MAOB: variants seen among roughly 807,000 people sequenced by gnomAD.
MAOB encodes the protein amine oxidase [flavin-containing] B.
A neutral mutation model predicts 41.9 loss-of-function variants in MAOB; 15 were observed. The ratio of observed to expected loss-of-function variants is 0.36; its 90% CI spans 0.24 to 0.55. The LOEUF (loss-of-function observed/expected upper bound fraction) is 0.55, where lower values mean the gene tolerates loss of function less well. Among genes scored for constraint, MAOB ranks in the 20% least tolerant of loss-of-function variants. The pLI, the probability that MAOB is intolerant of heterozygous loss-of-function variation, is 0.86. For missense variants in MAOB, 345 were observed against 398.7 expected, an observed-to-expected ratio of 0.87 and a Z score of 1.15; for synonymous variants, 167 against 144.2, an observed-to-expected ratio of 1.16 and a Z score of -1.13.
At chrX:43,843,384 C>A (rs1266237071) in intron 2 of MAOB, among the ~76,000 whole-genome samples, 1 of 107,129 alleles carries the variant, frequency 9.3e-6, no homozygotes, top group Non-Finnish European at 1.9e-5. Flanking sequence ...CACACACACA[C>A]ACACACACAC....
At chrX:43,867,271 G>T (rs2035371620) in intron 1 of MAOB, among the ~76,000 whole-genome samples, 1 of 112,025 alleles carries the variant, frequency 8.9e-6, no homozygotes, top group Non-Finnish European at 1.9e-5. Flanking sequence ...GCAAAGGAAG[G>T]GAGCTGGCAA....
intron 1 of MAOB, among the ~76,000 whole-genome samples, chrX:43,872,624 A>C (rs1413486215): frequency 1.8e-5 from 2 of 112,488 alleles, no homozygotes; most frequent in African/African-American, 6.4e-5. Flanking sequence ...GTTTGAAAAA[A>C]ACACAAATGT....
chrX:43,823,932 T>C (rs958089119), intron 3 of MAOB, among the ~76,000 whole-genome samples: 7 of 112,437 alleles, frequency 6.2e-5, no homozygotes, highest in African/African-American at 9.7e-5. Context: ...AGATATTGTC[T>C]CATATGATGG....
chrX:43,831,432 A>G (rs1427420973), intron 3 of MAOB, among the ~76,000 whole-genome samples: 2 of 111,624 alleles, frequency 1.8e-5, no homozygotes, highest in Admixed American at 1.9e-4. Context: ...TAAACAAAAA[A>G]AAAGCCGTAA....
At chrX:43,828,783 C>T (rs2034980893) in intron 3 of MAOB, among the ~76,000 whole-genome samples, 1 of 111,789 alleles carries the variant, frequency 8.9e-6, no homozygotes, top group Middle Eastern at 4.2e-3. Flanking sequence ...CCAACTGGGG[C>T]ATCTTGAGCA....
intron 3 of MAOB, among the ~76,000 whole-genome samples, chrX:43,824,931 A>C (rs2034927476): frequency 8.9e-6 from 1 of 112,941 alleles, no homozygotes; most frequent in Non-Finnish European, 1.9e-5. Flanking sequence ...AAGTCACATC[A>C]TGTTACTTCT....
At chrX:43,879,492 A>G (rs1293879390) in intron 1 of MAOB, among the ~76,000 whole-genome samples, 1 of 111,619 alleles carries the variant, frequency 9.0e-6, no homozygotes, top group Non-Finnish European at 1.9e-5. Flanking sequence ...GATTTTGGCC[A>G]TTTCATCTAC....
intron 1 of MAOB, among the ~76,000 whole-genome samples, chrX:43,867,306 T>C (rs1165893028): frequency 2.7e-5 from 3 of 111,644 alleles, no homozygotes; most frequent in African/African-American, 3.3e-5. Flanking sequence ...GCACTAGCGA[T>C]TTAGGAGGGA....
intron 11 of MAOB, among the ~76,000 whole-genome samples, chrX:43,778,371 TA>T (rs777247018): frequency 9.0e-5 from 10 of 110,688 alleles, no homozygotes; most frequent in African/African-American, 3.3e-4. Context: ...TCCCCTCTTT[TA>T]CCCCCCTAAC....
chrX:43,771,296 C>T (rs2034179231), intron 12 of MAOB, among the ~76,000 whole-genome samples: 1 of 112,106 alleles, frequency 8.9e-6, no homozygotes, highest in Non-Finnish European at 1.9e-5. Flanking sequence ...ATATTCAACC[C>T]TCTATTATAA....
At chrX:43,840,373 G>C (rs143225597) in intron 2 of MAOB, among the ~76,000 whole-genome samples, 2,964 of 111,686 alleles carry the variant, frequency 0.027, 50 homozygotes, top group Non-Finnish European at 0.042. Context: ...AAAGTCTGTG[G>C]AGCAAGGCCA....
chrX:43,791,682 G>A (rs1037424862), intron 8 of MAOB, among the ~76,000 whole-genome samples: 2 of 110,609 alleles, frequency 1.8e-5, no homozygotes, highest in Non-Finnish European at 1.9e-5. Flanking sequence ...GCTTAAACCC[G>A]GAAGGCAGGG....
intron 8 of MAOB, among the ~76,000 whole-genome samples, chrX:43,787,705 G>A (rs999649422): frequency 9.0e-6 from 1 of 110,502 alleles, no homozygotes; most frequent in Non-Finnish European, 1.9e-5. Context: ...TGTTTAGAAC[G>A]CAGTGAAAAA....
chrX:43,867,136 A>T (rs939709395), intron 1 of MAOB, among the ~76,000 whole-genome samples: 2 of 112,084 alleles, frequency 1.8e-5, no homozygotes, highest in African/African-American at 6.5e-5. Flanking sequence ...ATAAGTGCCA[A>T]GGAGATTTGG....
At chrX:43,803,246 G>T in intron 4 of MAOB, 54 bp downstream of exon 4, 6 of 1,035,107 alleles carry the variant, frequency 5.8e-6, no homozygotes, top group Non-Finnish European at 7.6e-6. Flanking sequence ...TTCTTTCTTT[G>T]AAGGATGAAA....
chrX:43,799,214 T>G (rs1276790952), intron 5 of MAOB, among the ~76,000 whole-genome samples: 2 of 112,485 alleles, frequency 1.8e-5, no homozygotes. Flanking sequence ...CGACTTACAG[T>G]TAGTTTTGTA....
At chrX:43,849,567 G>T (rs987035074) in intron 1 of MAOB, among the ~76,000 whole-genome samples, 11 of 112,846 alleles carry the variant, frequency 9.7e-5, no homozygotes, top group Non-Finnish European at 2.1e-4. Context: ...CGGCTTGGCT[G>T]GCAGAGTGGG....
intron 2 of MAOB, among the ~76,000 whole-genome samples, chrX:43,841,451 G>A (rs1247718299): frequency 8.9e-6 from 1 of 111,785 alleles, no homozygotes; most frequent in Non-Finnish European, 1.9e-5. Context: ...TCATGGATTG[G>A]GAGAATTAAT....
At chrX:43,815,236 C>G (rs1351605218) in intron 3 of MAOB, among the ~76,000 whole-genome samples, 1 of 111,990 alleles carries the variant, frequency 8.9e-6, no homozygotes, top group Non-Finnish European at 1.9e-5. Flanking sequence ...CTTTCTCACT[C>G]TTTCAATTTG....
Sources: gnomAD v4.1 joint callset for allele counts (sites outside exome capture counted in the v4.1 genomes callset) on GRCh38, gnomAD v4.1.1 for gene constraint, MANE v1.5 for transcripts, NCBI Gene and HGNC (gene_info 2026-07-23, HGNC 2026-07-21) for gene names.